Variants in SLC2A13 observed in about 807,000 individuals in gnomAD.
The protein encoded by SLC2A13 is solute carrier family 2 member 13.
Under a neutral mutation model 64.4 loss-of-function variants are expected in SLC2A13, and 32 were observed. The ratio of observed to expected loss-of-function variants is 0.50; its 90% CI spans 0.37 to 0.67. The LOEUF (loss-of-function observed/expected upper bound fraction) is 0.67, where lower values mean the gene tolerates loss of function less well. SLC2A13 is among the 30% of genes least tolerant of loss of function. SLC2A13 has a pLI of 0.00. For synonymous variants in SLC2A13, 338 were observed against 327.1 expected (o/e 1.03, Z -0.36); for missense variants, 743 against 829.2 (o/e 0.90, Z 1.28).
intron 3 of SLC2A13, among the ~76,000 whole-genome samples, chr12:39,972,783 C>T (rs1340410798): frequency 6.6e-6 from 1 of 152,016 alleles, no homozygotes; most frequent in South Asian, 2.1e-4. Flanking sequence ...AGTCTCTACA[C>T]CAGGCTGGGC....
intron 1 of SLC2A13, among the ~76,000 whole-genome samples, chr12:40,102,930 C>T (rs1225726777): frequency 6.6e-6 from 1 of 152,120 alleles, no homozygotes; most frequent in African/African-American, 2.4e-5. Context: ...GTTTTGAATG[C>T]GGCCTATTTC....
chr12:39,864,748 T>C lies in SLC2A13; in HGVS notation c.1319+14A>G. On this transcript the variant is annotated intron_variant, in intron 6 of 9. Coordinates refer to ENST00000280871, the MANE Select transcript of SLC2A13 (RefSeq NM_052885.4). Reference sequence around the variant, plus strand: ...AGAGTCATGTAAAGGAAGAAGAACATAATGGAATCTCACCTGTATCTTGTG... The same window carrying C: ...AGAGTCATGTAAAGGAAGAAGAACACAATGGAATCTCACCTGTATCTTGTG... The C allele has an allele frequency of 6.2e-7, 1 of 1,611,822 alleles. No homozygotes were observed. The highest frequency in any genetic ancestry group is 8.5e-7 in the Non-Finnish European group (1 of 1,179,184).
At chr12:40,101,806 C>T (rs747653824) in intron 1 of SLC2A13, among the ~76,000 whole-genome samples, 3 of 151,542 alleles carry the variant, frequency 2.0e-5, no homozygotes, top group African/African-American at 7.3e-5. Flanking sequence ...GGTAACAGAG[C>T]AAAAGACTCA....
intron 7 of SLC2A13, among the ~76,000 whole-genome samples, chr12:39,814,993 T>C (rs1942301566): frequency 6.6e-6 from 1 of 152,210 alleles, no homozygotes; most frequent in African/African-American, 2.4e-5. Context: ...TTTTTTCATT[T>C]GACTTTCTCA....
intron 3 of SLC2A13, among the ~76,000 whole-genome samples, chr12:39,957,675 G>A (rs145722755): frequency 6.6e-6 from 1 of 152,262 alleles, no homozygotes; most frequent in African/African-American, 2.4e-5. Context: ...CAGGTCCTGC[G>A]TGCTATCAGG....
intron 4 of SLC2A13, among the ~76,000 whole-genome samples, chr12:39,918,169 A>G (rs1341614890): frequency 2.6e-5 from 4 of 152,106 alleles, no homozygotes; most frequent in African/African-American, 9.7e-5. Context: ...ACATCCACAT[A>G]TCCAGGGCAT....
chr12:39,826,455 G>GTT (rs1382527298), intron 7 of SLC2A13, among the ~76,000 whole-genome samples: 9 of 137,450 alleles, frequency 6.5e-5, no homozygotes, highest in South Asian at 2.3e-4. Flanking sequence ...ATTTTTCTGG[G>GTT]TTTTTTTTTT....
At chr12:40,032,660 T>TG (rs1393926359) in intron 2 of SLC2A13, among the ~76,000 whole-genome samples, 5 of 152,218 alleles carry the variant, frequency 3.3e-5, no homozygotes, top group African/African-American at 1.2e-4. Context: ...GCAAGCCTGC[T>TG]GTCTCTTCCA....
intron 1 of SLC2A13, among the ~76,000 whole-genome samples, chr12:40,081,231 A>C (rs1232492240): frequency 6.6e-6 from 1 of 152,122 alleles, no homozygotes; most frequent in African/African-American, 2.4e-5. Context: ...AATTTACCAA[A>C]TTTGCATGTT....
chr12:39,959,511 A>G (rs1946373313), intron 3 of SLC2A13, among the ~76,000 whole-genome samples: 2 of 152,246 alleles, frequency 1.3e-5, no homozygotes, highest in African/African-American at 4.8e-5. Flanking sequence ...TTATCAACTT[A>G]GAAGAGGAGA....
intron 4 of SLC2A13, among the ~76,000 whole-genome samples, chr12:39,880,003 C>G (rs866744142): frequency 1.3e-5 from 2 of 152,030 alleles, no homozygotes; most frequent in South Asian, 2.1e-4. Context: ...TGAGTTCATA[C>G]AAGACACAGT....
chr12:39,882,635 T>G (rs950363353), intron 4 of SLC2A13, among the ~76,000 whole-genome samples: 1 of 152,166 alleles, frequency 6.6e-6, no homozygotes, highest in Admixed American at 6.5e-5. Flanking sequence ...TTGCCTATAA[T>G]TCACCAAGAA....
intron 3 of SLC2A13, among the ~76,000 whole-genome samples, chr12:39,968,958 C>A (rs911725491): frequency 6.6e-6 from 1 of 151,964 alleles, no homozygotes; most frequent in Non-Finnish European, 1.5e-5. Flanking sequence ...CTTCCCCCAC[C>A]CCACAACAGG....
intron 3 of SLC2A13, among the ~76,000 whole-genome samples, chr12:39,980,582 A>T (rs1175685523): frequency 6.6e-6 from 1 of 151,664 alleles, no homozygotes; most frequent in Non-Finnish European, 1.5e-5. Context: ...AAAGAAGGCC[A>T]TTACATAATG....
At chr12:39,975,779 C>G (rs1946746878) in intron 3 of SLC2A13, among the ~76,000 whole-genome samples, 2 of 152,198 alleles carry the variant, frequency 1.3e-5, no homozygotes, top group African/African-American at 4.8e-5. Context: ...TTATTTCACT[C>G]TCTATTAACA....
chr12:40,022,832 T>C (rs1056694978), intron 3 of SLC2A13, among the ~76,000 whole-genome samples: 15 of 149,182 alleles, frequency 1.0e-4, no homozygotes, highest in African/African-American at 3.7e-4. Flanking sequence ...TACAAGACTG[T>C]CTCAAAAAAA....
rs76622941 is a variant in SLC2A13, at chr12:40,090,379, C to T, written c.556+14874G>A. Reference sequence around the variant, plus strand: ...TATTTGCTCATATGGCTTATCTCTGCGTATCTTATCTTCATGACTGCTTAA... The same window carrying T: ...TATTTGCTCATATGGCTTATCTCTGTGTATCTTATCTTCATGACTGCTTAA... On this transcript the variant is annotated intron_variant, in intron 1 of 9. Coordinates refer to ENST00000280871, the MANE Select transcript of SLC2A13 (RefSeq NM_052885.4). Among the ~76,000 whole-genome samples, 1,182 of 152,168 alleles carry T rather than the reference C, an allele frequency of 7.8e-3. 15 individuals are homozygous for T. The highest frequency in any genetic ancestry group is 0.027 in the African/African-American group (1,115 of 41,540).
intron 4 of SLC2A13, among the ~76,000 whole-genome samples, chr12:39,900,128 C>T (rs143008202): frequency 0.015 from 2,225 of 148,498 alleles, 62 homozygotes; most frequent in African/African-American, 0.05. Flanking sequence ...AGGCCTTTGA[C>T]CAAATTCAAC....
At chr12:40,045,144 G>C (rs1459986430) in intron 2 of SLC2A13, among the ~76,000 whole-genome samples, 1 of 152,112 alleles carries the variant, frequency 6.6e-6, no homozygotes, top group Non-Finnish European at 1.5e-5. Context: ...CTGGGACACT[G>C]GGTATTGTAG....
Sources: gnomAD v4.1 joint callset for allele counts (sites outside exome capture counted in the v4.1 genomes callset) on GRCh38, gnomAD v4.1.1 for gene constraint, MANE v1.5 for transcripts, NCBI Gene and HGNC (gene_info 2026-07-23, HGNC 2026-07-21) for gene names.